Variants in SHISA9 observed in about 807,000 individuals in gnomAD.
The protein encoded by SHISA9 is protein shisa-9.
Under a neutral mutation model 38.0 loss-of-function variants are expected in SHISA9, and 13 were observed. The observed-to-expected ratio is 0.34, with a 90% CI of 0.22 to 0.54. The LOEUF (loss-of-function observed/expected upper bound fraction) is 0.54. Ranked by LOEUF, SHISA9 falls within the 20% of genes least tolerant of loss-of-function variation. The pLI, the probability that SHISA9 is intolerant of heterozygous loss-of-function variation, is 0.91. For synonymous variants in SHISA9, 275 were observed against 242.0 expected (o/e 1.14, Z -1.27); for missense variants, 538 against 575.8 (o/e 0.93, Z 0.67).
chr16:13,038,351 C>T (rs945954867), intron 2 of SHISA9, among the ~76,000 whole-genome samples: 3 of 152,144 alleles, frequency 2.0e-5, no homozygotes, highest in African/African-American at 7.2e-5. Context: ...CCTCCTTTTC[C>T]TTCAGAGCAG....
chr16:13,273,969 T>G, the SHISA9 span, among the ~76,000 whole-genome samples: 3 of 152,174 alleles, frequency 2.0e-5, no homozygotes, highest in Non-Finnish European at 4.4e-5. Flanking sequence ...AAAGAGAATC[T>G]GGGCTCTTCC....
chr16:12,926,694 C>T (rs555415302), intron 2 of SHISA9, among the ~76,000 whole-genome samples: 72 of 152,192 alleles, frequency 4.7e-4, no homozygotes, highest in African/African-American at 1.6e-3. Context: ...AACATTGGGG[C>T]TAGAAGGGAG....
At chr16:13,139,594 G>T (rs2050381864) in intron 2 of SHISA9, among the ~76,000 whole-genome samples, 2 of 151,896 alleles carry the variant, frequency 1.3e-5, no homozygotes, top group South Asian at 4.2e-4. Flanking sequence ...AAACAGAGTT[G>T]CCCTAGTTGA....
chr16:13,006,374 GC>G (rs1358410375), intron 2 of SHISA9, among the ~76,000 whole-genome samples: 1 of 152,114 alleles, frequency 6.6e-6, no homozygotes, highest in Admixed American at 6.6e-5. Flanking sequence ...TCCATCCACT[GC>G]CACCCGTCAA....
the SHISA9 span, among the ~76,000 whole-genome samples, chr16:13,296,232 C>A: frequency 6.7e-6 from 1 of 148,196 alleles, no homozygotes; most frequent in Non-Finnish European, 1.5e-5. Context: ...TTTTTTTTCT[C>A]TGCAACATTC....
chr16:13,434,063 A>G, the SHISA9 span, among the ~76,000 whole-genome samples: 41,367 of 152,218 alleles, frequency 0.27, 6,731 homozygotes, highest in East Asian at 0.5. Context: ...AGGGAAGCCA[A>G]CAGTGCAGCC....
At chr16:13,374,944 G>T in the SHISA9 span, among the ~76,000 whole-genome samples, 1 of 152,186 alleles carries the variant, frequency 6.6e-6, no homozygotes, top group Non-Finnish European at 1.5e-5. Context: ...TCATGTGTCT[G>T]TTGGCTGCAT....
At chr16:13,113,605 T>C (rs542727004) in intron 2 of SHISA9, among the ~76,000 whole-genome samples, 4 of 152,336 alleles carry the variant, frequency 2.6e-5, no homozygotes, top group African/African-American at 4.8e-5. Context: ...AGGCTCATTA[T>C]TGCGTCCAAT....
At chr16:13,101,421 A>C (rs1433176105) in intron 2 of SHISA9, among the ~76,000 whole-genome samples, 1 of 152,232 alleles carries the variant, frequency 6.6e-6, no homozygotes. Context: ...ATAACTCATT[A>C]AGTCTGGAAT....
At chr16:13,385,429 G>A in the SHISA9 span, among the ~76,000 whole-genome samples, 1 of 151,074 alleles carries the variant, frequency 6.6e-6, no homozygotes, top group Non-Finnish European at 1.5e-5. Context: ...AACAAACTGT[G>A]GTATATCCAT....
At chr16:12,974,108 GAAGA>G (rs1471910024) in intron 2 of SHISA9, among the ~76,000 whole-genome samples, 1 of 152,110 alleles carries the variant, frequency 6.6e-6, no homozygotes, top group Non-Finnish European at 1.5e-5. Context: ...GAAGGCCTAG[GAAGA>G]AAAGGGACCA....
intron 2 of SHISA9, among the ~76,000 whole-genome samples, chr16:13,179,058 C>T (rs1347260596): frequency 6.6e-6 from 1 of 152,186 alleles, no homozygotes; most frequent in Non-Finnish European, 1.5e-5. Context: ...TGGTGGCTCA[C>T]ACCTGTAATC....
chr16:13,328,711 G>A, the SHISA9 span, among the ~76,000 whole-genome samples: 7 of 152,034 alleles, frequency 4.6e-5, no homozygotes, highest in East Asian at 1.9e-4. Flanking sequence ...GACCTCGGGC[G>A]ATCCACCCGC....
chr16:12,948,576 T>A (rs539287087), intron 2 of SHISA9, among the ~76,000 whole-genome samples: 4 of 152,212 alleles, frequency 2.6e-5, no homozygotes, highest in Non-Finnish European at 4.4e-5. Context: ...GCAGATTCAG[T>A]GTCTGGTAAG....
rs149251183 is a variant in SHISA9, at chr16:13,098,475, C to T, written c.692-104919C>T. On this transcript the variant is annotated intron_variant, in intron 2 of 4. Transcript: ENST00000558583. The stretch of plus-strand genomic sequence containing the variant: ...ACCACTTTTCTCAGTCTTGCTGGCC[C>T]TGTGTTTTCCCTCTTGCCTTTGGAA... Among the ~76,000 whole-genome samples, 1,040 of 152,286 alleles carry T rather than the reference C, an allele frequency of 6.8e-3. 13 individuals carry two copies. Among genetic ancestry groups the T allele is most frequent in the African/African-American group, 0.022 (922 of 41,554 alleles).
chr16:13,073,980 T>G (rs1183551854), intron 2 of SHISA9, among the ~76,000 whole-genome samples: 1 of 150,264 alleles, frequency 6.7e-6, no homozygotes, highest in African/African-American at 2.5e-5. Flanking sequence ...TTTTTTTTTT[T>G]TGTGGGGGGT....
At chr16:13,448,243 A>C in the SHISA9 span, among the ~76,000 whole-genome samples, 1 of 152,010 alleles carries the variant, frequency 6.6e-6, no homozygotes, top group Non-Finnish European at 1.5e-5. Flanking sequence ...GAGAGCATGC[A>C]CATGTACCCT....
At chr16:13,182,332 A>G (rs928536010) in intron 2 of SHISA9, among the ~76,000 whole-genome samples, 6 of 152,356 alleles carry the variant, frequency 3.9e-5, no homozygotes, top group African/African-American at 1.2e-4. Flanking sequence ...AGCTCATTGT[A>G]TAAAACCATC....
chr16:13,043,211 G>C (rs564338109), intron 2 of SHISA9, among the ~76,000 whole-genome samples: 1 of 152,256 alleles, frequency 6.6e-6, no homozygotes, highest in Non-Finnish European at 1.5e-5. Context: ...GAATGGTGAG[G>C]TCAGAGGAGT....
Sources: allele counts gnomAD v4.1 joint callset (sites outside exome capture counted in the v4.1 genomes callset), GRCh38; gene constraint gnomAD v4.1.1; transcripts MANE v1.5; gene names NCBI Gene and HGNC (gene_info 2026-07-23, HGNC 2026-07-21).